Variants in COL14A1 observed in about 807,000 individuals in gnomAD.
COL14A1 encodes collagen type XIV alpha 1 chain.
COL14A1 carries 136 observed loss-of-function variants against 230.3 expected under a neutral mutation model. The ratio of observed to expected loss-of-function variants is 0.59; its 90% confidence interval spans 0.51 to 0.68. The LOEUF is 0.68. Among genes scored for constraint, COL14A1 ranks in the 30% least tolerant of loss-of-function variants. COL14A1 has a pLI of 0.00. For synonymous variants in COL14A1, 792 were observed against 784.1 expected, an observed-to-expected ratio of 1.01 and a Z score of -0.17; for missense variants, 1,976 against 2,215.8, an observed-to-expected ratio of 0.89 and a Z score of 2.17.
At chr8:120,199,354 CTT>C (rs774963209) in intron 7 of COL14A1, 46 bp from the exon 8 acceptor site, 3 of 1,488,382 alleles carry the variant, frequency 2.0e-6, no homozygotes, top group Admixed American at 5.2e-5. Flanking sequence ...AATTAGGAGA[CTT>C]TTTATTAGAG....
intron 1 of COL14A1, among the ~76,000 whole-genome samples, chr8:120,126,473 A>C (rs1814339957): frequency 6.6e-6 from 1 of 152,074 alleles, no homozygotes; most frequent in African/African-American, 2.4e-5. Context: ...AGTTTTGGAG[A>C]GTCCTCTGTT....
At chr8:120,206,261 A>G (rs191389849) in intron 9 of COL14A1, among the ~76,000 whole-genome samples, 29 of 152,322 alleles carry the variant, frequency 1.9e-4, no homozygotes, top group African/African-American at 6.7e-4. Context: ...AGTAATAGGA[A>G]CTAGGGAGAA....
intron 18 of COL14A1, among the ~76,000 whole-genome samples, chr8:120,231,158 C>G (rs1818256263): frequency 1.3e-5 from 2 of 152,126 alleles, no homozygotes; most frequent in Admixed American, 1.3e-4. Flanking sequence ...CCTTTGGGTT[C>G]CATGGGCTGT....
At chr8:120,172,598 GT>G (rs549102313) in intron 5 of COL14A1, among the ~76,000 whole-genome samples, 140 of 152,266 alleles carry the variant, frequency 9.2e-4, no homozygotes, top group Non-Finnish European at 1.6e-3. Context: ...GCACATTTTG[GT>G]TGCTACTAAC....
At chr8:120,300,661 T>C in intron 35 of COL14A1, 71 bp from the exon 36 acceptor site, 1 of 1,133,754 alleles carries the variant, frequency 8.8e-7, no homozygotes, top group Non-Finnish European at 1.3e-6. Context: ...TCAAACTGTT[T>C]TCTTTGAGCC....
intron 42 of COL14A1, among the ~76,000 whole-genome samples, chr8:120,334,541 C>G (rs146492413): frequency 6.6e-6 from 1 of 150,742 alleles, no homozygotes; most frequent in African/African-American, 2.4e-5. Context: ...TACTGAAACC[C>G]ACATGTGTGA....
In COL14A1 at chr8:120,225,125, G is replaced by T. The variant is rs972452915; in HGVS notation, c.1775G>T (p.Gly592Val). Residue 592 changes from glycine (G) to valine (V), a missense_variant, in exon 15 of 48, where the codon GGC (glycine) becomes GTC (valine). By Grantham distance (109) the Gly-to-Val change is moderately radical. Around this residue, in one of 3 missense-constraint regions of COL14A1, gnomAD observed 1,791 missense variants for 2,019.5 expected, o/e 0.89. Transcript: ENST00000297848. Reference protein sequence around the residue: ...VDPITTFPLKGLTPLTEYTIA... With the variant: ...VDPITTFPLKVLTPLTEYTIA... ...CCTATTACTACCTTCCCTCTGAAGG[G>T]CTTGACACCTCTCACAGAGTATACT... The T allele has an allele frequency of 3.7e-6, 6 of 1,612,344 alleles. No homozygotes were observed. The African/African-American group carries it at 8.0e-5, about 22-fold the overall frequency.
At chr8:120,319,412 C>G (rs763757190) in intron 40 of COL14A1, among the ~76,000 whole-genome samples, 1 of 151,920 alleles carries the variant, frequency 6.6e-6, no homozygotes, top group Non-Finnish European at 1.5e-5. Context: ...TGGCTTCAAG[C>G]GATTCTCCTG....
At chr8:120,228,603 G>C in intron 17 of COL14A1, 107 bp from the exon 18 acceptor site, 1 of 781,076 alleles carries the variant, frequency 1.3e-6, no homozygotes. Flanking sequence ...TTTGTTGTGG[G>C]AGGCAAGTGA....
At chr8:120,362,338 C>T (rs1205228452) in intron 45 of COL14A1, among the ~76,000 whole-genome samples, 3 of 152,098 alleles carry the variant, frequency 2.0e-5, no homozygotes, top group East Asian at 1.9e-4. Context: ...AGCTGGCATC[C>T]GAAACCTAGT....
At chr8:120,297,465 A>C (rs1190836201) in intron 34 of COL14A1, 46 bp from the exon 35 acceptor site, 3 of 931,910 alleles carry the variant, frequency 3.2e-6, no homozygotes, top group Non-Finnish European at 4.5e-6. Context: ...TATAAAGATA[A>C]TTTATATATA....
intron 46 of COL14A1, 145 bp downstream of exon 46, chr8:120,367,393 G>A: frequency 1.4e-6 from 1 of 692,218 alleles, no homozygotes; most frequent in Non-Finnish European, 2.4e-6. Context: ...AGGCTTCTTT[G>A]TTAATAAGGA....
intron 26 of COL14A1, among the ~76,000 whole-genome samples, chr8:120,274,989 A>AC (rs112517378): frequency 0.66 from 99,447 of 151,620 alleles, 33,595 homozygotes; most frequent in African/African-American, 0.83. Flanking sequence ...ATTAGAAAAA[A>AC]AATCCTGAAA....
At chr8:120,367,816 G>A (rs1823455332) in intron 46 of COL14A1, among the ~76,000 whole-genome samples, 1 of 151,770 alleles carries the variant, frequency 6.6e-6, no homozygotes, top group African/African-American at 2.4e-5. Flanking sequence ...GTGGTGGCAT[G>A]TGCTTGTAGT....
intron 7 of COL14A1, among the ~76,000 whole-genome samples, chr8:120,198,392 A>G (rs1334238522): frequency 6.6e-6 from 1 of 152,174 alleles, no homozygotes; most frequent in African/African-American, 2.4e-5. Flanking sequence ...TTTCATAATA[A>G]TAATATGGAT....
chr8:120,346,829 G>A (rs1282146002), intron 45 of COL14A1, among the ~76,000 whole-genome samples: 2 of 152,148 alleles, frequency 1.3e-5, no homozygotes, highest in South Asian at 2.1e-4. Context: ...TGAGAGCAGG[G>A]ATTGGTTCTG....
chr8:120,209,144 A>G (rs1229260159), intron 11 of COL14A1, among the ~76,000 whole-genome samples: 1 of 152,122 alleles, frequency 6.6e-6, no homozygotes, highest in East Asian at 1.9e-4. Context: ...TATTTTAGTG[A>G]CAATCCTTAT....
At chr8:120,145,159 T>C (rs1467303911) in intron 1 of COL14A1, among the ~76,000 whole-genome samples, 1 of 152,174 alleles carries the variant, frequency 6.6e-6, no homozygotes, top group Non-Finnish European at 1.5e-5. Context: ...AAAAATCTGA[T>C]TAAGATGCTA....
chr8:120,366,748 A>G (rs1336759662), intron 45 of COL14A1, among the ~76,000 whole-genome samples: 1 of 152,232 alleles, frequency 6.6e-6, no homozygotes, highest in Non-Finnish European at 1.5e-5. Flanking sequence ...CCTAATTACA[A>G]TTCATGCCTT....
Sources: allele counts gnomAD v4.1 joint callset (sites outside exome capture counted in the v4.1 genomes callset), GRCh38; gene constraint gnomAD v4.1.1; regional missense constraint gnomAD v4.1.1; transcripts MANE v1.5; gene names NCBI Gene and HGNC (gene_info 2026-07-23, HGNC 2026-07-21).